Variants in CORO2B observed in about 807,000 individuals in gnomAD.
CORO2B encodes coronin 2B, also known as coronin-2B.
A neutral mutation model predicts 58.8 loss-of-function variants in CORO2B; 26 were observed. That is an observed-to-expected ratio of 0.44 (90% CI 0.32 to 0.61). CORO2B has a LOEUF of 0.61. CORO2B is among the 20% of genes least tolerant of loss of function. CORO2B has a pLI of 0.04. For synonymous variants in CORO2B, 242 were observed against 253.8 expected, an observed-to-expected ratio of 0.95 and a Z score of 0.44; for missense variants, 460 against 645.1, an observed-to-expected ratio of 0.71 and a Z score of 3.11.
the CORO2B span, among the ~76,000 whole-genome samples, chr15:68,562,918 AG>A: frequency 5.3e-4 from 80 of 150,878 alleles, no homozygotes; most frequent in African/African-American, 1.8e-3. Flanking sequence ...TGGAGCTTGC[AG>A]TGAGCCGAGA....
the CORO2B span, among the ~76,000 whole-genome samples, chr15:68,559,057 C>T: frequency 6.6e-6 from 1 of 152,100 alleles, no homozygotes; most frequent in African/African-American, 2.4e-5. The surrounding 1 kb of genome is among the most constrained non-coding windows in gnomAD (Gnocchi z 4.3). Context: ...GCGCTAGGCG[C>T]CGTTCTTCCT....
intron 1 of CORO2B, among the ~76,000 whole-genome samples, chr15:68,609,555 C>T (rs1294822056): frequency 2.0e-5 from 3 of 152,168 alleles, no homozygotes. Context: ...GGCCTTCCCT[C>T]CCGAATCCAC....
the CORO2B span, among the ~76,000 whole-genome samples, chr15:68,564,494 T>G: frequency 7.8e-3 from 1,193 of 152,202 alleles, 20 homozygotes; most frequent in African/African-American, 0.027. Context: ...ATTTTTTGTA[T>G]TTTTAGTAGG....
chr15:68,607,195 G>A (rs1454212892), intron 1 of CORO2B, among the ~76,000 whole-genome samples: 5 of 152,154 alleles, frequency 3.3e-5, no homozygotes, highest in Non-Finnish European at 7.4e-5. Flanking sequence ...AAATGACTAG[G>A]GTGACATCTG....
intron 2 of CORO2B, among the ~76,000 whole-genome samples, chr15:68,652,645 C>T (rs1232403541): frequency 1.3e-5 from 2 of 152,228 alleles, no homozygotes; most frequent in African/African-American, 4.8e-5. Context: ...ATTCTCCTTC[C>T]CCACCACAGT....
chr15:68,626,021 A>G (rs1900671546), intron 1 of CORO2B, among the ~76,000 whole-genome samples: 1 of 152,166 alleles, frequency 6.6e-6, no homozygotes, highest in Non-Finnish European at 1.5e-5. Flanking sequence ...TTCCTGGGGT[A>G]ATTTAATTGT....
chr15:68,711,135 C>G (rs1596032769), intron 4 of CORO2B, among the ~76,000 whole-genome samples: 2 of 152,178 alleles, frequency 1.3e-5, no homozygotes, highest in African/African-American at 4.8e-5. Flanking sequence ...AATGCCCCTT[C>G]CATGCCCACA....
intron 1 of CORO2B, among the ~76,000 whole-genome samples, chr15:68,583,555 G>A (rs1055177192): frequency 1.3e-5 from 2 of 152,184 alleles, no homozygotes; most frequent in African/African-American, 4.8e-5. Context: ...CCCTCTGTGG[G>A]ACACCATCTG....
upstream of CORO2B, among the ~76,000 whole-genome samples, chr15:68,577,407 T>G (rs997696347): frequency 3.3e-5 from 5 of 152,132 alleles, no homozygotes; most frequent in Non-Finnish European, 5.9e-5. Flanking sequence ...CTGTTGCATT[T>G]AGGACTCCCA....
intron 1 of CORO2B, among the ~76,000 whole-genome samples, chr15:68,591,982 C>T (rs895864235): frequency 1.4e-4 from 22 of 152,174 alleles, no homozygotes; most frequent in Admixed American, 7.2e-4. Flanking sequence ...GACTGCCTCA[C>T]CTGGTTTGAG....
At chr15:68,560,016 A>G in the CORO2B span, among the ~76,000 whole-genome samples, 215 of 152,264 alleles carry the variant, frequency 1.4e-3, 5 homozygotes, top group South Asian at 0.044. Flanking sequence ...AGATCTGACC[A>G]AGTCTCTGCC....
chr15:68,555,209 G>A, the CORO2B span, among the ~76,000 whole-genome samples: 1 of 152,310 alleles, frequency 6.6e-6, no homozygotes, highest in South Asian at 2.1e-4. Context: ...AGGTGACTGG[G>A]AAAAGTGAGT....
At chr15:68,550,206 T>C in the CORO2B span, among the ~76,000 whole-genome samples, 89 of 152,226 alleles carry the variant, frequency 5.8e-4, no homozygotes, top group Middle Eastern at 6.8e-3. Flanking sequence ...TGCTTCTTTC[T>C]TACCAGCATG....
chr15:68,602,450 C>CAT (rs3084695), intron 1 of CORO2B, among the ~76,000 whole-genome samples: 1 of 150,310 alleles, frequency 6.7e-6, no homozygotes, highest in Non-Finnish European at 1.5e-5. Flanking sequence ...CACACACACA[C>CAT]GTTTTACCTA....
At chr15:68,606,648 C>A (rs1416172568) in intron 1 of CORO2B, among the ~76,000 whole-genome samples, 1 of 152,168 alleles carries the variant, frequency 6.6e-6, no homozygotes, top group Non-Finnish European at 1.5e-5. Flanking sequence ...AGTTTGGATA[C>A]AGAAACATTG....
chr15:68,643,161 TA>T (rs1321695395), intron 1 of CORO2B, among the ~76,000 whole-genome samples: 2 of 152,222 alleles, frequency 1.3e-5, no homozygotes, highest in Non-Finnish European at 1.5e-5. Flanking sequence ...CATGACTGGC[TA>T]AAATTAACTT....
Position 68,619,692 on chromosome 15 carries a change from T to C in CORO2B, c.16-25468T>C, listed in dbSNP as rs373748977. 3.3e-5 allele frequency among the ~76,000 whole-genome samples: 5 copies of C among 152,156 alleles called. No homozygotes were observed. In the East Asian group the frequency reaches 7.7e-4, roughly 24 times the overall value. ...GTGTGTGTGTGTGTATATATATATG[T>C]ACACATACATATGTGTACCCATACA... On this transcript the variant is annotated intron_variant, in intron 1 of 11. Coordinates refer to ENST00000261861, the MANE Select transcript of CORO2B (RefSeq NM_006091.5).
At chr15:68,706,208 C>T (rs10851790) in intron 3 of CORO2B, among the ~76,000 whole-genome samples, 138,735 of 152,204 alleles carry the variant, frequency 0.91, 63,776 homozygotes, top group East Asian at 1. Flanking sequence ...TGCTGGCGCC[C>T]GACCCCACAC....
the CORO2B span, among the ~76,000 whole-genome samples, chr15:68,562,132 C>T: frequency 1.3e-5 from 2 of 152,210 alleles, no homozygotes; most frequent in African/African-American, 2.4e-5. Flanking sequence ...TGGCGTCTGT[C>T]AGGGCAGTCC....
Sources: allele counts gnomAD v4.1 joint callset (sites outside exome capture counted in the v4.1 genomes callset), GRCh38; gene constraint gnomAD v4.1.1; non-coding constraint Gnocchi (gnomAD v3.1); transcripts MANE v1.5; gene names NCBI Gene and HGNC (gene_info 2026-07-23, HGNC 2026-07-21).